PLEKHG1: variants seen among roughly 807,000 people sequenced by gnomAD.
The protein encoded by PLEKHG1 is pleckstrin homology domain-containing family G member 1.
In PLEKHG1, 44 loss-of-function variants were observed where a neutral mutation model predicts 100.8. The ratio of observed to expected loss-of-function variants is 0.44; its 90% CI spans 0.34 to 0.56. PLEKHG1 has a LOEUF of 0.56. Ranked by LOEUF, PLEKHG1 falls within the 20% of genes least tolerant of loss-of-function variation. PLEKHG1 has a pLI of 0.01. For missense variants in PLEKHG1, 1,545 were observed against 1,720.9 expected (o/e 0.90, Z 1.81); for synonymous variants, 640 against 662.5 (o/e 0.97, Z 0.52).
exon 2 of PLEKHG1, chr6:150,734,083 C>T (rs748468376): frequency 2.4e-5 from 38 of 1,609,582 alleles, no homozygotes; most frequent in Non-Finnish European, 3.1e-5. Flanking sequence ...ATTTAAAAAG[C>T]ATCGTAGAGG....
At chr6:150,809,204 G>A (rs765158875) in exon 8 of PLEKHG1, 1 of 1,613,456 alleles carries the variant, frequency 6.2e-7, no homozygotes, top group Non-Finnish European at 8.5e-7. Flanking sequence ...AGCCAAGAAT[G>A]AGCGGACGCT....
intron 3 of PLEKHG1, among the ~76,000 whole-genome samples, chr6:150,661,034 A>AG (rs372914974): frequency 3.5e-4 from 53 of 152,238 alleles, no homozygotes; most frequent in Admixed American, 1.4e-3. Flanking sequence ...GGGGTCAAGG[A>AG]GGGGGAGTGA....
intron 6 of PLEKHG1, among the ~76,000 whole-genome samples, chr6:150,802,409 A>G (rs537609154): frequency 3.3e-5 from 5 of 152,280 alleles, no homozygotes; most frequent in Admixed American, 3.3e-4. Flanking sequence ...AAAAATCTCT[A>G]ATATGGTCTT....
At chr6:150,789,484 C>A (rs9371472) in intron 4 of PLEKHG1, among the ~76,000 whole-genome samples, 103,682 of 152,068 alleles carry the variant, frequency 0.68, 36,128 homozygotes, top group East Asian at 0.91. Flanking sequence ...ATTTAAATCA[C>A]AGCCCTCCAA....
intron 1 of PLEKHG1, among the ~76,000 whole-genome samples, chr6:150,610,362 G>A (rs1273806468): frequency 2.0e-5 from 3 of 152,306 alleles, no homozygotes; most frequent in African/African-American, 7.2e-5. Context: ...TCGGCCTCCC[G>A]AAGTGTTGGG....
At chr6:150,622,283 A>T (rs1276044050) in intron 1 of PLEKHG1, among the ~76,000 whole-genome samples, 1 of 152,186 alleles carries the variant, frequency 6.6e-6, no homozygotes, top group Non-Finnish European at 1.5e-5. Context: ...AAGAATAATA[A>T]ATTAGTATGT....
At chr6:150,731,930 C>T (rs1175696413) in intron 1 of PLEKHG1, among the ~76,000 whole-genome samples, 2 of 150,236 alleles carry the variant, frequency 1.3e-5, no homozygotes, top group Non-Finnish European at 3.0e-5. Context: ...TGGGGCCCAA[C>T]ATCATATTTA....
At chr6:150,757,436 A>G (rs993582686) in intron 2 of PLEKHG1, among the ~76,000 whole-genome samples, 2 of 152,248 alleles carry the variant, frequency 1.3e-5, no homozygotes, top group Non-Finnish European at 2.9e-5. Flanking sequence ...TGCAATAATC[A>G]ATTGCCATTT....
At chr6:150,742,048 G>C (rs1414751025) in intron 2 of PLEKHG1, among the ~76,000 whole-genome samples, 1 of 152,212 alleles carries the variant, frequency 6.6e-6, no homozygotes, top group African/African-American at 2.4e-5. Context: ...GGAACACATA[G>C]TGTTTCATTA....
intron 3 of PLEKHG1, among the ~76,000 whole-genome samples, chr6:150,670,564 T>G (rs940755437): frequency 6.6e-6 from 1 of 152,130 alleles, no homozygotes; most frequent in Non-Finnish European, 1.5e-5. Flanking sequence ...GTCCTAGAAC[T>G]AAGGGTAATA....
chr6:150,689,855 CAAA>C (rs58356927), intron 3 of PLEKHG1, among the ~76,000 whole-genome samples: 17 of 84,640 alleles, frequency 2.0e-4, no homozygotes, highest in Non-Finnish European at 1.8e-4. Context: ...AACTCTGTCT[CAAA>C]AAAAAAAAAA....
intron 1 of PLEKHG1, among the ~76,000 whole-genome samples, chr6:150,733,005 A>C (rs1244516365): frequency 6.6e-6 from 1 of 152,242 alleles, no homozygotes; most frequent in Non-Finnish European, 1.5e-5. Context: ...TGCAAGTAAA[A>C]TGTAAAGTTG....
At chr6:150,795,614 C>T (rs1158024759) in intron 4 of PLEKHG1, among the ~76,000 whole-genome samples, 3 of 151,092 alleles carry the variant, frequency 2.0e-5, no homozygotes, top group African/African-American at 4.9e-5. Flanking sequence ...CCCAGCTACT[C>T]GGGAGGCTGA....
intron 14 of PLEKHG1, among the ~76,000 whole-genome samples, chr6:150,826,429 G>C (rs1045265512): frequency 2.0e-5 from 3 of 152,192 alleles, no homozygotes; most frequent in African/African-American, 7.2e-5. Context: ...CTGTACTTTA[G>C]CCTGGGCAAC....
chr6:150,776,874 CAT>C (rs1489718858), intron 3 of PLEKHG1, among the ~76,000 whole-genome samples: 1 of 151,442 alleles, frequency 6.6e-6, no homozygotes, highest in Non-Finnish European at 1.5e-5. Flanking sequence ...TCCTGGTGCA[CAT>C]GTGTGGTTGC....
chr6:150,683,311 G>T lies in PLEKHG1; in HGVS notation c.-99+32525G>T, dbSNP rs368111461. Among the ~76,000 whole-genome samples the T allele has an allele frequency of 6.6e-6, 1 of 152,190 alleles. No individual in the cohort carries two copies. ...ACACTGGTCTTTAAACAGCCTTCAG[G>T]ATGATTCTGGTTTTCTAGATGTGTT... On this transcript the variant is annotated intron_variant, in intron 3 of 3. Transcript: ENST00000367326. This position sits in a 1 kb window ranked among gnomAD's most constrained non-coding sequence, Gnocchi z 4.0.
intron 3 of PLEKHG1, among the ~76,000 whole-genome samples, chr6:150,710,705 G>A (rs1781213357): frequency 6.6e-6 from 1 of 152,242 alleles, no homozygotes; most frequent in East Asian, 1.9e-4. Context: ...AAAAATCTAG[G>A]TTGGGTGTTC....
chr6:150,671,576 T>G (rs1318958120), intron 3 of PLEKHG1, among the ~76,000 whole-genome samples: 3 of 152,218 alleles, frequency 2.0e-5, no homozygotes, highest in African/African-American at 7.2e-5. Flanking sequence ...TAGTAAGTGC[T>G]GAGGAGACAG....
chr6:150,832,232 C>T, intron 15 of PLEKHG1, 27 bp downstream of exon 16: 1 of 1,526,216 alleles, frequency 6.6e-7, no homozygotes, highest in South Asian at 1.3e-5. Flanking sequence ...CTTCTTCCTT[C>T]TCCAAAGTAA....
Sources: gnomAD v4.1 joint callset for allele counts (sites outside exome capture counted in the v4.1 genomes callset) on GRCh38, gnomAD v4.1.1 for gene constraint, Gnocchi (gnomAD v3.1) non-coding constraint, MANE v1.5 for transcripts, NCBI Gene and HGNC (gene_info 2026-07-23, HGNC 2026-07-21) for gene names.